RPL3: variants seen among roughly 807,000 people sequenced by gnomAD.
The protein encoded by RPL3 is large ribosomal subunit protein uL3.
In RPL3, 3 loss-of-function variants were observed where a neutral mutation model predicts 46.0. The observed-to-expected ratio is 0.07, with a 90% CI of 0.03 to 0.17. The LOEUF is 0.17. Among genes scored for constraint, RPL3 ranks in the 10% least tolerant of loss-of-function variants. RPL3 has a pLI of 1.00. For missense variants in RPL3, 387 were observed against 532.7 expected (o/e 0.73, Z 2.69); for synonymous variants, 224 against 190.8 (o/e 1.17, Z -1.43).
At position 39,318,608 on chromosome 22, in the gene RPL3, A is replaced by G. The variant is rs757881540; in HGVS notation, c.4-16T>C. On this transcript the variant is annotated splice_polypyrimidine_tract_variant and intron_variant, in intron 1 of 9. Coordinates refer to ENST00000216146, the MANE Select transcript of RPL3 (RefSeq NM_000967.4). Reference sequence around the variant, plus strand: ...TTCTGTGAGACTAGGTGGGAAAAAAATCACCGTCAGCACCCAAACCAAAGC... The same window carrying G: ...TTCTGTGAGACTAGGTGGGAAAAAAGTCACCGTCAGCACCCAAACCAAAGC... The G allele has an allele frequency of 8.8e-6, 14 of 1,593,520 alleles. No homozygotes were observed. The South Asian group carries it at 1.5e-4, about 17-fold the overall frequency.
At chr22:39,318,893 G>A (rs985589492) in intron 1 of RPL3, 22 of 451,248 alleles carry the variant, frequency 4.9e-5, no homozygotes, top group African/African-American at 8.0e-5. Flanking sequence ...TGCTTAACAG[G>A]CAGCTTTATA....
chr22:39,313,445 C>G, intron 8 of RPL3, 135 bp from the exon 9 acceptor site: 9 of 1,433,764 alleles, frequency 6.3e-6, no homozygotes, highest in Non-Finnish European at 8.6e-6. Context: ...TGAGGACACA[C>G]TCAAAGCAGC....
chr22:39,315,944 GT>G (rs1480864491), intron 4 of RPL3, among the ~76,000 whole-genome samples: 1 of 152,174 alleles, frequency 6.6e-6, no homozygotes, highest in Non-Finnish European at 1.5e-5. Context: ...CAAGCTCTAA[GT>G]AAGAAAATGC....
In RPL3 at chr22:39,315,870, C is replaced by A. The variant is rs182546209; in HGVS notation, c.502-315G>T. Among the ~76,000 whole-genome samples, 3 of 152,336 alleles carry A rather than the reference C, an allele frequency of 2.0e-5. No individual in the cohort carries two copies. In the East Asian group the frequency reaches 5.8e-4, roughly 29 times the overall value. ...CTTTGGGTCAGTTCCTTTTGGGGTACTGCAGTGGTTTTACCTCAGCCACCT... is the reference window on the plus strand; with the variant it reads ...CTTTGGGTCAGTTCCTTTTGGGGTAATGCAGTGGTTTTACCTCAGCCACCT... On this transcript the variant is annotated intron_variant, in intron 4 of 9. Coordinates refer to ENST00000216146, the MANE Select transcript of RPL3 (RefSeq NM_000967.4).
At chr22:39,313,902 A>G in intron 7 of RPL3, 173 bp from the exon 8 acceptor site, 1 of 844,652 alleles carries the variant, frequency 1.2e-6, no homozygotes, top group Non-Finnish European at 2.0e-6. Flanking sequence ...AGGCCTCATC[A>G]CTGAACAGCT....
intron 8 of RPL3, 104 bp from the exon 9 acceptor site, chr22:39,313,414 C>A: frequency 6.5e-7 from 1 of 1,535,694 alleles, no homozygotes; most frequent in Non-Finnish European, 8.9e-7. Flanking sequence ...ATCAATTCAG[C>A]CTCCCCCACC....
chr22:39,319,106 C>CATG, intron 1 of RPL3: 1 of 539,002 alleles, frequency 1.9e-6, no homozygotes, highest in South Asian at 1.4e-5. Flanking sequence ...ATAAGTTCAT[C>CATG]ATCTGTGGTT....
chr22:39,319,190 C>G, intron 1 of RPL3: 1 of 545,072 alleles, frequency 1.8e-6, no homozygotes, highest in Non-Finnish European at 3.6e-6. Flanking sequence ...ACACTCCCCT[C>G]CCCCAAGCTT....
chr22:39,313,437 A>T, intron 8 of RPL3, 127 bp from the exon 9 acceptor site: 1 of 1,463,420 alleles, frequency 6.8e-7, no homozygotes. Context: ...CCGGCAGATG[A>T]GGACACACTC....
rs1922837355 is a variant in RPL3 at position 39,318,392 on chromosome 22, G to A, written c.196+8C>T. 1 of 1,613,124 alleles carries A rather than the reference G, an allele frequency of 6.2e-7. No individual in the cohort carries two copies. Among genetic ancestry groups the A allele is most frequent in the Non-Finnish European group, 8.5e-7 (1 of 1,179,686 alleles). On this transcript the variant is annotated splice_region_variant and intron_variant, in intron 2 of 9. Transcript: ENST00000216146. ...TATTCCCCCAACTTTTAGGATGTCT[G>A]TACATACTGGATCCCGGCCTGTCGA...
At chr22:39,314,933 G>GGGTC in intron 5 of RPL3, 87 bp from the exon 6 acceptor site, 1 of 1,541,798 alleles carries the variant, frequency 6.5e-7, no homozygotes, top group South Asian at 1.2e-5. Flanking sequence ...AACCATGGCT[G>GGGTC]GGTCATCTGA....
chr22:39,313,257 G>A lies in RPL3; in HGVS notation c.1101C>T (p.Phe367=). The change falls in exon 9 of 10, where the codon TTC becomes TTT. Residue 367 remains phenylalanine (F), a synonymous_variant. Transcript: ENST00000216146. ...RRALEKIDLK[F]IDTTSKFGHG... is the part of the protein sequence containing the mutation. ...GGCCAAACTTGGAGGTGGTGTCAAT[G>A]AACTTAAGGTCAATCTTCTCCAGAG... The A allele has an allele frequency of 6.2e-7, 1 of 1,612,406 alleles. No homozygotes were observed. The highest frequency in any genetic ancestry group is 8.5e-7 in the Non-Finnish European group (1 of 1,179,316).
At chr22:39,313,510 A>G (rs1922485815) in intron 8 of RPL3, 124 bp downstream of exon 8, 4 of 1,238,924 alleles carry the variant, frequency 3.2e-6, no homozygotes, top group Admixed American at 2.0e-5. Flanking sequence ...CTTCAAAGCC[A>G]GTGTGAAAGG....
At chr22:39,314,390 G>A in intron 6 of RPL3, 182 bp from the exon 7 acceptor site, 2 of 646,478 alleles carry the variant, frequency 3.1e-6, no homozygotes, top group Admixed American at 5.6e-5. Context: ...AGGCGGCTGG[G>A]CTAAAACTAA....
At chr22:39,313,592 C>T (rs765427012) in intron 8 of RPL3, 42 bp downstream of exon 8, 1 of 1,588,132 alleles carries the variant, frequency 6.3e-7, no homozygotes, top group Admixed American at 1.7e-5. Flanking sequence ...TGGATCCTCC[C>T]TCTACAAGAG....
At chr22:39,319,170 G>A (rs897745358) in intron 1 of RPL3, 3 of 545,152 alleles carry the variant, frequency 5.5e-6, no homozygotes, top group East Asian at 5.2e-5. Flanking sequence ...ATATTCAGGA[G>A]GACTCCACAA....
At chr22:39,313,168 G>A (rs565787243) in intron 9 of RPL3, 23 bp downstream of exon 9, 2 of 1,605,652 alleles carry the variant, frequency 1.2e-6, no homozygotes, top group South Asian at 1.1e-5. Flanking sequence ...CACCCAGCGA[G>A]GGGGGCAGGC....
In RPL3 at chr22:39,314,277, A is replaced by C. The variant is rs1922542936; in HGVS notation, c.850-69T>G. ...ATAACCCAGACATGCCAGTGTGCTG[A>C]CCTGCAAAGCACGCTAGAAGGCAGC... is the stretch of plus-strand genomic sequence containing the variant. On this transcript the variant is annotated intron_variant, in intron 6 of 9. Transcript: ENST00000216146. 7.4e-6 allele frequency: 10 copies of C among 1,344,700 alleles called. No homozygotes were observed. In the East Asian group the frequency reaches 2.3e-4, roughly 31 times the overall value. 83.3% of individuals were successfully genotyped at this position (1,344,700 alleles called of 1,614,324 possible).
chr22:39,312,988 T>C lies in RPL3; in HGVS notation c.1168-4A>G. 1 of 1,614,098 alleles carries C rather than the reference T, an allele frequency of 6.2e-7. No individual in the cohort carries two copies. The highest frequency in any genetic ancestry group is 8.5e-7 in the Non-Finnish European group (1 of 1,179,980). On this transcript the variant is annotated splice_region_variant and splice_polypyrimidine_tract_variant and intron_variant, in intron 9 of 9. Transcript: ENST00000216146. ...TTCGGTCTTTCTTCAGTGGTCCCTG[T>C]GGGGAGAGAGGCAGTGGTCAGAGGT...
Sources: gnomAD v4.1 joint callset for allele counts (sites outside exome capture counted in the v4.1 genomes callset) on GRCh38, gnomAD v4.1.1 for gene constraint, MANE v1.5 for transcripts, NCBI Gene and HGNC (gene_info 2026-07-23, HGNC 2026-07-21) for gene names.